SGCZ: variants seen among roughly 807,000 people sequenced by gnomAD.
SGCZ encodes the protein sarcoglycan zeta, also known as zeta-sarcoglycan.
SGCZ carries 40 observed loss-of-function variants against 41.3 expected under a neutral mutation model. The ratio of observed to expected loss-of-function variants is 0.97; its 90% CI spans 0.75 to 1.26. SGCZ has a LOEUF of 1.26. Among genes scored for constraint, SGCZ ranks in the 50% most tolerant of loss-of-function variants. SGCZ has a pLI of 0.00. For synonymous variants in SGCZ, 206 were observed against 137.5 expected (o/e 1.50, Z -3.49); for missense variants, 552 against 369.8 (o/e 1.49, Z -4.04).
At chr8:15,043,628 G>A (rs1804191180) in intron 1 of SGCZ, among the ~76,000 whole-genome samples, 1 of 151,944 alleles carries the variant, frequency 6.6e-6, no homozygotes, top group African/African-American at 2.4e-5. Context: ...CAATTTTAAA[G>A]TATGTAACAA....
At chr8:15,013,942 T>C (rs1290894064) in intron 1 of SGCZ, among the ~76,000 whole-genome samples, 2 of 152,178 alleles carry the variant, frequency 1.3e-5, no homozygotes, top group Non-Finnish European at 2.9e-5. Flanking sequence ...TTGTAATTGA[T>C]ATTTTTTACC....
chr8:14,227,076 C>T (rs1210517399), intron 4 of SGCZ, among the ~76,000 whole-genome samples: 1 of 151,906 alleles, frequency 6.6e-6, no homozygotes, highest in Admixed American at 6.6e-5. Context: ...GAGCAATCAG[C>T]CCGCAAGTGA....
chr8:14,718,549 T>G (rs566761492), intron 1 of SGCZ, among the ~76,000 whole-genome samples: 10 of 152,200 alleles, frequency 6.6e-5, no homozygotes, highest in African/African-American at 2.2e-4. Context: ...CTAATGGCTG[T>G]GGACGCAAAC....
chr8:14,873,158 T>A (rs376304360), intron 1 of SGCZ, among the ~76,000 whole-genome samples: 1 of 152,194 alleles, frequency 6.6e-6, no homozygotes, highest in East Asian at 1.9e-4. Context: ...GTGGTGAACA[T>A]AGTTATCAGA....
At chr8:14,793,943 G>C (rs1383393836) in intron 1 of SGCZ, among the ~76,000 whole-genome samples, 1 of 152,080 alleles carries the variant, frequency 6.6e-6, no homozygotes, top group Non-Finnish European at 1.5e-5. Context: ...CTCCCACTTG[G>C]CTTCTAGTAC....
intron 1 of SGCZ, among the ~76,000 whole-genome samples, chr8:15,049,700 C>A (rs1221475614): frequency 6.6e-6 from 1 of 152,064 alleles, no homozygotes; most frequent in African/African-American, 2.4e-5. Flanking sequence ...GCTGTGTCCC[C>A]ACCCAAACCT....
intron 1 of SGCZ, among the ~76,000 whole-genome samples, chr8:14,720,904 T>C (rs1002732423): frequency 1.0e-5 from 1 of 97,008 alleles, no homozygotes; most frequent in African/African-American, 3.9e-5. Context: ...CAATACTTCA[T>C]GGAAACTGTT....
intron 1 of SGCZ, among the ~76,000 whole-genome samples, chr8:15,004,477 G>C (rs62495393): frequency 0.16 from 24,269 of 152,128 alleles, 2,078 homozygotes; most frequent in Admixed American, 0.23. Flanking sequence ...ACCAAAAAAG[G>C]TGGAGACTTA....
At chr8:14,974,271 A>T (rs1801393883) in intron 1 of SGCZ, among the ~76,000 whole-genome samples, 1 of 152,202 alleles carries the variant, frequency 6.6e-6, no homozygotes, top group African/African-American at 2.4e-5. Context: ...AAACAGAAAC[A>T]AAAAAATTCT....
intron 1 of SGCZ, among the ~76,000 whole-genome samples, chr8:15,017,077 A>G (rs151277751): frequency 1.3e-5 from 2 of 152,264 alleles, no homozygotes; most frequent in Non-Finnish European, 2.9e-5. Flanking sequence ...GGAGGGGACA[A>G]ACATCCAAAC....
intron 2 of SGCZ, among the ~76,000 whole-genome samples, chr8:14,491,957 T>C (rs1033642921): frequency 2.1e-5 from 3 of 144,848 alleles, no homozygotes; most frequent in Non-Finnish European, 3.2e-5. Context: ...CAGAAATTGT[T>C]CAATAAATCT....
At chr8:14,538,852 T>C (rs1378690814) in intron 2 of SGCZ, among the ~76,000 whole-genome samples, 1 of 151,866 alleles carries the variant, frequency 6.6e-6, no homozygotes, top group Non-Finnish European at 1.5e-5. Flanking sequence ...CAAGTGTGCA[T>C]TCTAGATGGT....
intron 2 of SGCZ, among the ~76,000 whole-genome samples, chr8:14,533,738 G>C (rs1487889772): frequency 6.6e-6 from 1 of 151,946 alleles, no homozygotes; most frequent in Admixed American, 6.6e-5. Flanking sequence ...CAGATGATAA[G>C]TTTAAACACC....
In SGCZ at chr8:14,440,983, G is replaced by T. The variant is rs541936353; in HGVS notation, c.234+113749C>A. Among the ~76,000 whole-genome samples the T allele has an allele frequency of 3.3e-5, 5 of 152,006 alleles. No homozygotes were observed. The East Asian group carries it at 9.7e-4, about 30-fold the overall frequency. The stretch of plus-strand genomic sequence containing the variant: ...TTATGAAGGATAGGCTTTGAAAAGG[G>T]GGTTTTGTGTGTGATTGCGTTGACT... On this transcript the variant is annotated intron_variant, in intron 2 of 7. Coordinates refer to ENST00000382080, the MANE Select transcript of SGCZ (RefSeq NM_139167.4).
intron 1 of SGCZ, among the ~76,000 whole-genome samples, chr8:15,227,479 A>G (rs943577624): frequency 5.9e-5 from 9 of 152,210 alleles, no homozygotes; most frequent in Non-Finnish European, 8.8e-5. Flanking sequence ...TGTAAACTTT[A>G]GACATTAGAT....
At chr8:14,591,165 A>G (rs1805228148) in intron 1 of SGCZ, among the ~76,000 whole-genome samples, 1 of 151,816 alleles carries the variant, frequency 6.6e-6, no homozygotes, top group African/African-American at 2.4e-5. Flanking sequence ...TATGATTATA[A>G]ATAGTTGAAA....
At chr8:15,026,576 G>C (rs1247317430) in intron 1 of SGCZ, among the ~76,000 whole-genome samples, 1 of 152,260 alleles carries the variant, frequency 6.6e-6, no homozygotes, top group East Asian at 1.9e-4. Context: ...GCTGTGCTCA[G>C]ATACCACTAG....
At chr8:14,827,305 C>G (rs1802368023) in intron 1 of SGCZ, among the ~76,000 whole-genome samples, 1 of 148,094 alleles carries the variant, frequency 6.8e-6, no homozygotes, top group African/African-American at 2.5e-5. Context: ...GACGCCATCT[C>G]AGCTCACTGC....
chr8:14,474,060 A>G (rs1276860486), intron 2 of SGCZ, among the ~76,000 whole-genome samples: 1 of 152,116 alleles, frequency 6.6e-6, no homozygotes, highest in Non-Finnish European at 1.5e-5. Flanking sequence ...GGAAAGTTAT[A>G]GGGGAAAGAA....
Sources: allele counts gnomAD v4.1 joint callset (sites outside exome capture counted in the v4.1 genomes callset), GRCh38; gene constraint gnomAD v4.1.1; transcripts MANE v1.5; gene names NCBI Gene and HGNC (gene_info 2026-07-23, HGNC 2026-07-21).